CSMD3: variants seen among roughly 807,000 people sequenced by gnomAD.
CSMD3 encodes CUB and sushi domain-containing protein 3.
A neutral mutation model predicts 435.2 loss-of-function variants in CSMD3; 177 were observed. The ratio of observed to expected loss-of-function variants is 0.41; its 90% CI spans 0.36 to 0.46. CSMD3 has a LOEUF of 0.46. CSMD3 is among the 20% of genes least tolerant of loss of function. The probability of loss-of-function intolerance (pLI) is 0.34; values close to 1 mark genes in which losing one functional copy is unlikely to be tolerated. For missense variants in CSMD3, 4,265 were observed against 4,504.6 expected (o/e 0.95, Z 1.52); for synonymous variants, 1,656 against 1,520.5 (o/e 1.09, Z -2.07).
At position 113,355,795 on chromosome 8, in the gene CSMD3, T is replaced by TGTGTGTG. The variant is rs66729311; in HGVS notation, c.179-41003_179-41002insCACACAC. On this transcript the variant is annotated intron_variant, in intron 1 of 70. Coordinates refer to ENST00000297405, the MANE Select transcript of CSMD3 (RefSeq NM_198123.2). Reference sequence around the variant, plus strand: ...GGTGTGTGTGTGTGTGTGTGTGTGTTTGTCAACTATACATTTATCTATCAA... The same window carrying TGTGTGTG: ...GGTGTGTGTGTGTGTGTGTGTGTGTTGTGTGTGTGTCAACTATACATTTATCTATCAA... Among the ~76,000 whole-genome samples, 700 of 117,870 alleles carry TGTGTGTG rather than the reference T, an allele frequency of 5.9e-3. 18 individuals are homozygous for TGTGTGTG. The highest frequency in any genetic ancestry group is 0.02 in the East Asian group (73 of 3,602). 77.3% of individuals were successfully genotyped at this position (117,870 alleles called of 152,430 possible). A position where few individuals can be genotyped will look rare whatever the true frequency, so the allele number is the denominator to read the frequency against.
At chr8:112,401,006 AG>A (rs956919453) in intron 35 of CSMD3, among the ~76,000 whole-genome samples, 2 of 152,072 alleles carry the variant, frequency 1.3e-5, no homozygotes, top group African/African-American at 4.8e-5. Flanking sequence ...CAGCAGTTCA[AG>A]ACCAGCCTAG....
intron 5 of CSMD3, among the ~76,000 whole-genome samples, chr8:113,040,120 AATGGTCCT>A (rs2087543064): frequency 6.6e-6 from 1 of 152,152 alleles, no homozygotes; most frequent in East Asian, 1.9e-4. Context: ...CCTGTCTGAT[AATGGTCCT>A]ATTAGCAGAG....
intron 1 of CSMD3, among the ~76,000 whole-genome samples, chr8:113,421,564 C>T (rs1054141779): frequency 2.6e-5 from 4 of 151,964 alleles, no homozygotes; most frequent in Admixed American, 2.6e-4. Flanking sequence ...TTTTTTGGGA[C>T]TCAGAAAACG....
chr8:112,310,621 C>T, intron 50 of CSMD3: 3 of 328,516 alleles, frequency 9.1e-6, no homozygotes, highest in Non-Finnish European at 1.2e-5. Flanking sequence ...TGTACTTGCC[C>T]ATTCTTATTC....
chr8:112,342,477 TTTAAG>T (rs1825217428), intron 41 of CSMD3, among the ~76,000 whole-genome samples: 1 of 152,166 alleles, frequency 6.6e-6, no homozygotes, highest in South Asian at 2.1e-4. Flanking sequence ...TGGTGAAAGT[TTTAAG>T]TTATTTATAT....
chr8:113,226,899 G>C (rs1418367168), intron 3 of CSMD3, among the ~76,000 whole-genome samples: 2 of 151,508 alleles, frequency 1.3e-5, no homozygotes, highest in Non-Finnish European at 3.0e-5. Context: ...GAAACAATTT[G>C]ACAATTGTAC....
chr8:113,229,047 T>C (rs1240652178), intron 3 of CSMD3, among the ~76,000 whole-genome samples: 2 of 151,670 alleles, frequency 1.3e-5, no homozygotes, highest in Non-Finnish European at 3.0e-5. Flanking sequence ...ATCATGTATC[T>C]CCTTACTTTA....
chr8:113,145,856 G>A (rs538958882), intron 4 of CSMD3, among the ~76,000 whole-genome samples: 3 of 151,530 alleles, frequency 2.0e-5, no homozygotes, highest in African/African-American at 7.2e-5. Flanking sequence ...TATATTGACT[G>A]CTGTTGGCCA....
At chr8:112,480,626 C>A (rs1309262509) in intron 31 of CSMD3, among the ~76,000 whole-genome samples, 1 of 151,964 alleles carries the variant, frequency 6.6e-6, no homozygotes, top group East Asian at 1.9e-4. Flanking sequence ...GCACCTTCCC[C>A]CTCTCTCTCT....
At chr8:112,620,464 C>T (rs1050246040) in intron 22 of CSMD3, among the ~76,000 whole-genome samples, 2 of 152,048 alleles carry the variant, frequency 1.3e-5, no homozygotes, top group Non-Finnish European at 2.9e-5. Context: ...TTGAGGCACT[C>T]GAAGTTAAAA....
At chr8:112,784,062 T>C (rs2078472209) in intron 13 of CSMD3, among the ~76,000 whole-genome samples, 5 of 152,028 alleles carry the variant, frequency 3.3e-5, no homozygotes, top group African/African-American at 9.7e-5. Flanking sequence ...AAAGAAACAC[T>C]GGACTTAATT....
intron 59 of CSMD3, among the ~76,000 whole-genome samples, chr8:112,276,307 C>T (rs1259852033): frequency 6.6e-6 from 1 of 152,214 alleles, no homozygotes; most frequent in Non-Finnish European, 1.5e-5. Context: ...CCTGCTTTCA[C>T]AGGCTGGCAT....
intron 22 of CSMD3, among the ~76,000 whole-genome samples, chr8:112,615,116 ATTT>A (rs1218004457): frequency 2.6e-5 from 4 of 152,146 alleles, no homozygotes; most frequent in Admixed American, 2.0e-4. Context: ...ACCAATGACA[ATTT>A]TTAAGTCTGT....
At chr8:112,389,219 T>G (rs1425644045) in intron 36 of CSMD3, among the ~76,000 whole-genome samples, 1 of 152,158 alleles carries the variant, frequency 6.6e-6, no homozygotes, top group Non-Finnish European at 1.5e-5. Context: ...GTCAGGGTTT[T>G]CAAAATTTTA....
At chr8:112,358,278 A>T (rs922336725) in intron 38 of CSMD3, among the ~76,000 whole-genome samples, 2 of 152,006 alleles carry the variant, frequency 1.3e-5, no homozygotes, top group African/African-American at 4.8e-5. Flanking sequence ...ACTGCTTTTG[A>T]TTTTACTGGC....
At chr8:113,201,257 A>G (rs891734957) in intron 3 of CSMD3, among the ~76,000 whole-genome samples, 1 of 152,024 alleles carries the variant, frequency 6.6e-6, no homozygotes, top group African/African-American at 2.4e-5. Context: ...ATTTCAACAC[A>G]GCAATGAAAT....
At chr8:112,538,024 A>G (rs1410885677) in intron 27 of CSMD3, among the ~76,000 whole-genome samples, 5 of 152,084 alleles carry the variant, frequency 3.3e-5, no homozygotes. Flanking sequence ...CTGGGATGCA[A>G]CTATCATTCA....
At chr8:112,706,949 G>A (rs990507343) in intron 13 of CSMD3, among the ~76,000 whole-genome samples, 1 of 151,968 alleles carries the variant, frequency 6.6e-6, no homozygotes, top group Non-Finnish European at 1.5e-5. Context: ...TACTTAACCT[G>A]TCTATTTTTT....
chr8:112,227,884 T>C (rs1269742123), intron 70 of CSMD3, among the ~76,000 whole-genome samples: 1 of 151,846 alleles, frequency 6.6e-6, no homozygotes, highest in Non-Finnish European at 1.5e-5. Flanking sequence ...CTACTAAAAA[T>C]ACAAAAAATT....
Sources: gnomAD v4.1 joint callset for allele counts (sites outside exome capture counted in the v4.1 genomes callset) on GRCh38, gnomAD v4.1.1 for gene constraint, MANE v1.5 for transcripts, NCBI Gene and HGNC (gene_info 2026-07-23, HGNC 2026-07-21) for gene names.